The following USP6 variants were observed in gnomAD, a reference collection of about 807,000 sequenced individuals.
USP6 encodes the protein ubiquitin carboxyl-terminal hydrolase 6.
Under a neutral mutation model 175.7 loss-of-function variants are expected in USP6, and 128 were observed. That is an observed-to-expected ratio of 0.73 (90% CI 0.63 to 0.84). USP6 has a LOEUF of 0.84. Among genes scored for constraint, USP6 ranks in the 40% least tolerant of loss-of-function variants. USP6 has a pLI of 0.00. For missense variants in USP6, 1,498 were observed against 1,760.3 expected, an observed-to-expected ratio of 0.85 and a Z score of 2.67; for synonymous variants, 562 against 630.6, an observed-to-expected ratio of 0.89 and a Z score of 1.63.
rs757823061 is a variant in USP6 at position 5,137,715 on chromosome 17, T to G, written c.890T>G (p.Met297Arg). ...TTGGTGGAAGGAGAACAGGTGTTGA[T>G]GCCAATAACCAGCATTGCTCTTAAG... ...VYLVEGEQVL[M>R]PITSIALKVQ... Residue 297 changes from methionine (M) to arginine (R), a missense_variant, in exon 20 of 38, where the codon ATG becomes AGG. Met to Arg is a moderately conservative substitution (Grantham distance 91). Around this residue, in one of 2 missense-constraint regions of USP6, gnomAD observed 1,217 missense variants for 1,500.8 expected, o/e 0.81. Coordinates refer to ENST00000574788, the MANE Select transcript of USP6 (RefSeq NM_001304284.2). The G allele has an allele frequency of 1.2e-6, 2 of 1,608,954 alleles. No homozygotes were observed. Among genetic ancestry groups the G allele is most frequent in the South Asian group, 2.2e-5 (2 of 91,052 alleles).
intron 17 of USP6, 88 bp from the exon 18 acceptor site, chr17:5,136,552 G>T (rs2073259131): frequency 2.0e-6 from 3 of 1,513,840 alleles, no homozygotes; most frequent in Non-Finnish European, 2.7e-6. Flanking sequence ...GGGGTTTGGG[G>T]GCCTCTGCAG....
chr17:5,116,979 G>A (rs532739845), intron 1 of USP6, among the ~76,000 whole-genome samples: 130 of 152,326 alleles, frequency 8.5e-4, no homozygotes, highest in Middle Eastern at 3.4e-3. Flanking sequence ...ACATTCTTGG[G>A]GAACTGCAGA....
At chr17:5,148,875 T>G in intron 30 of USP6, 108 bp downstream of exon 30, 1 of 1,473,240 alleles carries the variant, frequency 6.8e-7, no homozygotes, top group South Asian at 1.5e-5. Flanking sequence ...CTCTTTTTTC[T>G]TTAATTTTTA....
chr17:5,158,237 C>T (rs954272132), intron 31 of USP6, among the ~76,000 whole-genome samples: 25 of 151,904 alleles, frequency 1.6e-4, no homozygotes, highest in African/African-American at 5.6e-4. Context: ...ATATGCATTC[C>T]GACATTTAGA....
intron 15 of USP6, 200 bp from the exon 16 acceptor site, chr17:5,135,034 A>C (rs542429245): frequency 6.9e-6 from 4 of 582,000 alleles, no homozygotes; most frequent in Admixed American, 5.2e-5. Context: ...CGGTCAACTC[A>C]CTGTAGAACT....
chr17:5,120,029 G>A (rs756688488), intron 2 of USP6, among the ~76,000 whole-genome samples: 27 of 152,074 alleles, frequency 1.8e-4, no homozygotes, highest in South Asian at 8.3e-4. Context: ...AGGTCCTGCC[G>A]GGGCAGTCAG....
rs1019984471 is a variant in USP6 at position 5,150,280 on chromosome 17, G to A, written c.2643+1513G>A. ...GCACTCCAACCTGGGCAACAAGAGC[G>A]AAACTCCGTCTAAAAAAATAAATAA... On this transcript the variant is annotated intron_variant, in intron 30 of 37. Coordinates refer to ENST00000574788, the MANE Select transcript of USP6 (RefSeq NM_001304284.2). Among the ~76,000 whole-genome samples, 5 of 147,826 alleles carry A rather than the reference G, an allele frequency of 3.4e-5. No homozygotes were observed. The South Asian group carries it at 6.3e-4, about 19-fold the overall frequency.
At chr17:5,138,516 C>T (rs1199104391) in intron 21 of USP6, among the ~76,000 whole-genome samples, 2 of 152,136 alleles carry the variant, frequency 1.3e-5, no homozygotes, top group Non-Finnish European at 2.9e-5. Flanking sequence ...CCAACAAGCC[C>T]CCTCCCACTT....
At chr17:5,117,390 CCT>C (rs1316964890) in intron 1 of USP6, among the ~76,000 whole-genome samples, 2 of 152,088 alleles carry the variant, frequency 1.3e-5, no homozygotes, top group East Asian at 3.9e-4. Context: ...GAGGCACACA[CCT>C]GTAATCCCAG....
chr17:5,122,946 A>G (rs1283860746), intron 4 of USP6: 2 of 152,242 alleles, frequency 1.3e-5, no homozygotes, highest in African/African-American at 4.8e-5. Context: ...GAGCCAGTGG[A>G]GGGGGCGAAG....
intron 16 of USP6, among the ~76,000 whole-genome samples, 191 bp downstream of exon 16, chr17:5,135,473 CA>C (rs2073223578): frequency 6.6e-6 from 1 of 152,118 alleles, no homozygotes; most frequent in Admixed American, 6.5e-5. Flanking sequence ...CAAGCTGAGA[CA>C]CAAAGGACTT....
chr17:5,172,787 T>G lies in USP6; in HGVS notation c.4048-18T>G. The G allele has an allele frequency of 6.2e-7, 1 of 1,611,962 alleles. No individual in the cohort carries two copies. Among genetic ancestry groups the G allele is most frequent in the Non-Finnish European group, 8.5e-7 (1 of 1,179,542 alleles). ...AATAGTGATGGCTTTTTGTTAAAGGTTTTTCTTGCCCTTTCAGGAACTTCA... is the reference window on the plus strand; with the variant it reads ...AATAGTGATGGCTTTTTGTTAAAGGGTTTTCTTGCCCTTTCAGGAACTTCA... On this transcript the variant is annotated intron_variant, in intron 37 of 37. Transcript: ENST00000574788.
In USP6 at chr17:5,132,341, T is replaced by C; in HGVS notation, c.156-55T>C. The C allele has an allele frequency of 6.2e-7, 1 of 1,612,018 alleles. No individual in the cohort carries two copies. Among genetic ancestry groups the C allele is most frequent in the East Asian group, 2.2e-5 (1 of 44,860 alleles). Reference sequence around the variant, plus strand: ...CCTTTCTGGGGGTCGGCTCCCAGGCTTGGGCGGCTCCAGGCCCTGTGCACG... The same window carrying C: ...CCTTTCTGGGGGTCGGCTCCCAGGCCTGGGCGGCTCCAGGCCCTGTGCACG... On this transcript the variant is annotated intron_variant, in intron 11 of 37. Transcript: ENST00000574788. This position sits in a 1 kb window ranked among gnomAD's most constrained non-coding sequence, Gnocchi z 4.7.
rs1476196952 is a variant in USP6 at position 5,173,906 on chromosome 17, C to G, written c.*928C>G. On this transcript the variant is annotated 3_prime_UTR_variant, in exon 38 of 38. Transcript: ENST00000574788. ...TCACGTTTCACAATTAGTGGTTATT[C>G]TTTTCTGTGTTTGTTTTGCACTTTA... 1 of 221,708 alleles carries G rather than the reference C, an allele frequency of 4.5e-6. No homozygotes were observed. The highest frequency in any genetic ancestry group is 9.0e-6 in the Non-Finnish European group (1 of 110,628). 13.7% of individuals were successfully genotyped at this position (221,708 alleles called of 1,614,324 possible). A position where few individuals can be genotyped will look rare whatever the true frequency, so the allele number is the denominator to read the frequency against.
intron 31 of USP6, 143 bp from the exon 32 acceptor site, chr17:5,161,385 G>C: frequency 1.3e-6 from 1 of 765,906 alleles, no homozygotes; most frequent in Admixed American, 2.4e-5. Context: ...TAATGGATTA[G>C]GGTAAGTAAC....
In USP6 at chr17:5,155,343, CA is replaced by C. The variant is rs147400050; in HGVS notation, c.2644-78del. The C allele has an allele frequency of 2.8e-3, 4,221 of 1,498,036 alleles. 102 individuals are homozygous for C. The African/African-American group carries it at 0.049, about 17-fold the overall frequency. 92.8% of individuals were successfully genotyped at this position (1,498,036 alleles called of 1,614,324 possible). On this transcript the variant is annotated intron_variant, in intron 30 of 37. Transcript: ENST00000574788. ...AATTTGAAATGGTGATAATGCCTAT[CA>C]TTGGCAGAGTTAGAAGAACTAAAGG...
At chr17:5,146,339 A>G (rs867935216) in intron 28 of USP6, among the ~76,000 whole-genome samples, 165 bp downstream of exon 28, 5 of 152,190 alleles carry the variant, frequency 3.3e-5, no homozygotes, top group Non-Finnish European at 5.9e-5. Context: ...CAGAAACTTA[A>G]AAGAGTTTTC....
At chr17:5,118,654 C>T (rs1352619933) in intron 2 of USP6, among the ~76,000 whole-genome samples, 1 of 152,200 alleles carries the variant, frequency 6.6e-6, no homozygotes, top group African/African-American at 2.4e-5. Flanking sequence ...GGGTCCCAAG[C>T]TCTTGTCTGG....
rs1219805154 is a variant in USP6, at chr17:5,116,404, T to C, written c.-2264T>C. ...CCTCATGTTTTCCTAGACAAGCCGC[T>C]GGGGGAGAGGGGAAACACTTCTGGC... is the stretch of plus-strand genomic sequence containing the variant. On this transcript the variant is annotated 5_prime_UTR_variant, in exon 1 of 38. Transcript: ENST00000574788. 7.1e-6 allele frequency: 1 copy of C among 141,682 alleles called. No individual in the cohort carries two copies. Among genetic ancestry groups the C allele is most frequent in the Non-Finnish European group, 1.6e-5 (1 of 60,988 alleles). 8.8% of individuals were successfully genotyped at this position (141,682 alleles called of 1,614,324 possible). A position where few individuals can be genotyped will look rare whatever the true frequency, so the allele number is the denominator to read the frequency against.
Sources: gnomAD v4.1 joint callset for allele counts (sites outside exome capture counted in the v4.1 genomes callset) on GRCh38, gnomAD v4.1.1 for gene constraint, gnomAD v4.1.1 regional missense constraint, Gnocchi (gnomAD v3.1) non-coding constraint, MANE v1.5 for transcripts, NCBI Gene and HGNC (gene_info 2026-07-23, HGNC 2026-07-21) for gene names.